SBF2: variants seen among roughly 807,000 people sequenced by gnomAD.
The protein encoded by SBF2 is myotubularin-related protein 13.
SBF2 carries 112 observed loss-of-function variants against 225.2 expected under a neutral mutation model. That is an observed-to-expected ratio of 0.50 (90% CI 0.43 to 0.58). The LOEUF (loss-of-function observed/expected upper bound fraction) is 0.58, where lower values mean the gene tolerates loss of function less well. Among genes scored for constraint, SBF2 ranks in the 20% least tolerant of loss-of-function variants. The probability of loss-of-function intolerance (pLI) is 0.00; values close to 1 mark genes in which losing one functional copy is unlikely to be tolerated. For missense variants in SBF2, 1,996 were observed against 2,206.2 expected, an observed-to-expected ratio of 0.90 and a Z score of 1.91; for synonymous variants, 763 against 773.3, an observed-to-expected ratio of 0.99 and a Z score of 0.22.
intron 33 of SBF2, among the ~76,000 whole-genome samples, chr11:9,793,103 C>T (rs1047619867): frequency 6.6e-6 from 1 of 151,940 alleles, no homozygotes; most frequent in African/African-American, 2.4e-5. Context: ...TAAGAGGAAA[C>T]ATGTTTCATA....
intron 2 of SBF2, among the ~76,000 whole-genome samples, chr11:10,109,103 G>T (rs1279850216): frequency 6.6e-6 from 1 of 151,920 alleles, no homozygotes; most frequent in Non-Finnish European, 1.5e-5. Flanking sequence ...AAAAATTCCT[G>T]CCATATTATT....
At chr11:9,793,630 T>G (rs1852902413) in intron 33 of SBF2, among the ~76,000 whole-genome samples, 1 of 141,690 alleles carries the variant, frequency 7.1e-6, no homozygotes, top group African/African-American at 2.5e-5. Flanking sequence ...CCTCAAGCAA[T>G]TCACCCACCT....
At chr11:10,017,705 C>G (rs1370806216) in intron 6 of SBF2, among the ~76,000 whole-genome samples, 1 of 152,122 alleles carries the variant, frequency 6.6e-6, no homozygotes, top group Non-Finnish European at 1.5e-5. Context: ...CTTATGAACA[C>G]AGACTCAACC....
rs1035417905 is a variant in SBF2, at chr11:10,054,966, G to A, written c.142-11985C>T. Among the ~76,000 whole-genome samples the A allele has an allele frequency of 8.2e-4, 124 of 152,106 alleles. 1 individual carries two copies. Among genetic ancestry groups the A allele is most frequent in the Admixed American group, 8.1e-3 (124 of 15,270 alleles). On this transcript the variant is annotated intron_variant, in intron 2 of 39. Coordinates refer to ENST00000256190, the MANE Select transcript of SBF2 (RefSeq NM_030962.4). The stretch of plus-strand genomic sequence containing the variant: ...GCCCTGTCACCCAAGCTGGAGTGCG[G>A]TGGCAAGATCTCGGCTCACTGCAAC...
chr11:9,970,492 C>T (rs571847521), intron 13 of SBF2, among the ~76,000 whole-genome samples: 14 of 152,122 alleles, frequency 9.2e-5, no homozygotes, highest in Non-Finnish European at 1.5e-4. Context: ...TTAAAATGGC[C>T]AACTGCCATC....
intron 2 of SBF2, among the ~76,000 whole-genome samples, chr11:10,101,752 T>G (rs1952315809): frequency 6.6e-6 from 1 of 151,790 alleles, no homozygotes. Context: ...AAAAAAAGGA[T>G]TTGTGAGACT....
At chr11:10,118,251 A>G (rs1158294696) in intron 2 of SBF2, among the ~76,000 whole-genome samples, 8 of 152,172 alleles carry the variant, frequency 5.3e-5, no homozygotes, top group Non-Finnish European at 1.0e-4. Context: ...CTCTATTCCT[A>G]TTTGTACATT....
chr11:10,140,002 T>C (rs1954565733), intron 2 of SBF2, among the ~76,000 whole-genome samples: 3 of 152,198 alleles, frequency 2.0e-5, no homozygotes, highest in Admixed American at 2.0e-4. Context: ...GACATATAAA[T>C]ATAGGAGATT....
At chr11:9,950,646 C>A in intron 16 of SBF2, among the ~76,000 whole-genome samples, 1 of 152,174 alleles carries the variant, frequency 6.6e-6, no homozygotes, top group East Asian at 1.9e-4. Flanking sequence ...AGTTTACTTT[C>A]AAGCTAGGTC....
At chr11:9,958,569 A>G (rs1866350210) in intron 16 of SBF2, 1 of 190,378 alleles carries the variant, frequency 5.3e-6, no homozygotes, top group Non-Finnish European at 1.1e-5. Flanking sequence ...CGTGTTAGCC[A>G]GGATGGTCTC....
chr11:10,250,842 G>A (rs1199754243), intron 1 of SBF2, among the ~76,000 whole-genome samples: 1 of 152,132 alleles, frequency 6.6e-6, no homozygotes, highest in Admixed American at 6.6e-5. Flanking sequence ...TCTCACAACT[G>A]AGAAGGGTCC....
chr11:9,999,047 G>C (rs1380659054), intron 8 of SBF2, among the ~76,000 whole-genome samples: 1 of 152,076 alleles, frequency 6.6e-6, no homozygotes, highest in East Asian at 1.9e-4. Flanking sequence ...TAGCCACTTA[G>C]AAAAAGCTGA....
chr11:10,185,229 T>A (rs1356161569), intron 2 of SBF2, among the ~76,000 whole-genome samples: 1 of 152,156 alleles, frequency 6.6e-6, no homozygotes, highest in Non-Finnish European at 1.5e-5. Context: ...ACTATAAACA[T>A]GTGTATGAAT....
chr11:9,975,589 G>T (rs148185716), intron 13 of SBF2, among the ~76,000 whole-genome samples: 1 of 152,072 alleles, frequency 6.6e-6, no homozygotes, highest in Non-Finnish European at 1.5e-5. Flanking sequence ...GTCAAAACTC[G>T]TAACTGTAGA....
chr11:9,883,258 G>A (rs987664479), intron 17 of SBF2, among the ~76,000 whole-genome samples: 1 of 151,818 alleles, frequency 6.6e-6, no homozygotes, highest in East Asian at 1.9e-4. Context: ...CACTTACTAT[G>A]TACCAGTATT....
chr11:10,262,951 CG>C (rs959069722), intron 1 of SBF2, among the ~76,000 whole-genome samples: 10 of 148,338 alleles, frequency 6.7e-5, no homozygotes, highest in African/African-American at 2.5e-4. Flanking sequence ...CCATATAAGA[CG>C]AAAAAAAAAC....
chr11:10,060,921 C>T lies in SBF2; in HGVS notation c.142-17940G>A, dbSNP rs7112205. The stretch of plus-strand genomic sequence containing the variant: ...TGGGCACCTGTAGTCCCAGCTACTC[C>T]GGAGGCTGAGGCAGGAGAATAGTGT... On this transcript the variant is annotated intron_variant, in intron 2 of 39. Coordinates refer to ENST00000256190, the MANE Select transcript of SBF2 (RefSeq NM_030962.4). Among the ~76,000 whole-genome samples, 668 of 151,824 alleles carry T rather than the reference C, an allele frequency of 4.4e-3. 4 individuals are homozygous for T. Among genetic ancestry groups the T allele is most frequent in the African/African-American group, 0.015 (626 of 41,422 alleles).
At chr11:10,109,239 T>A (rs1317572392) in intron 2 of SBF2, among the ~76,000 whole-genome samples, 1 of 152,184 alleles carries the variant, frequency 6.6e-6, no homozygotes, top group Non-Finnish European at 1.5e-5. Flanking sequence ...ATAAACCTTA[T>A]AATGTTATTA....
intron 16 of SBF2, chr11:9,958,803 T>C: frequency 3.7e-6 from 2 of 535,408 alleles, no homozygotes; most frequent in Non-Finnish European, 7.2e-6. Context: ...AGGGCTTCTG[T>C]CACCGAAAAT....
Sources: allele counts gnomAD v4.1 joint callset (sites outside exome capture counted in the v4.1 genomes callset), GRCh38; gene constraint gnomAD v4.1.1; transcripts MANE v1.5; gene names NCBI Gene and HGNC (gene_info 2026-07-23, HGNC 2026-07-21).